The following KISS1R variants were observed in gnomAD, a reference collection of about 807,000 sequenced individuals.
KISS1R encodes kiSS-1 receptor.
In KISS1R, 19 loss-of-function variants were observed where a neutral mutation model predicts 22.0. The ratio of observed to expected loss-of-function variants is 0.86; its 90% CI spans 0.60 to 1.26. The LOEUF (loss-of-function observed/expected upper bound fraction) is 1.26. Ranked by LOEUF, KISS1R falls within the 50% of genes most tolerant of loss-of-function variation. KISS1R has a pLI of 0.00. For missense variants in KISS1R, 653 were observed against 581.9 expected, an observed-to-expected ratio of 1.12 and a Z score of -1.26; for synonymous variants, 302 against 283.9, an observed-to-expected ratio of 1.06 and a Z score of -0.64.
chr19:919,770 G>T (rs1012673801), intron 3 of KISS1R, 104 bp from the exon 4 acceptor site: 1 of 1,489,348 alleles, frequency 6.7e-7, no homozygotes, highest in Admixed American at 2.0e-5. Context: ...CTGCAGACGG[G>T]GCGCCCGGGC....
In KISS1R at chr19:917,358, C is replaced by G; in HGVS notation, c.-145C>G. ...AGAGGAGCCGCCGAGCCCAGCACAG[C>G]TGCCCTCTGGACCCTGCGGACCCCA... On this transcript the variant is annotated 5_prime_UTR_variant, in exon 1 of 5. Coordinates refer to ENST00000234371, the MANE Select transcript of KISS1R (RefSeq NM_032551.5). 1.0e-6 allele frequency: 1 copy of G among 957,914 alleles called. No individual in the cohort carries two copies. The highest frequency in any genetic ancestry group is 1.7e-5 in the African/African-American group (1 of 57,700). The allele number at this position is 957,914 out of a possible 1,614,324, so 59.3% of individuals were successfully genotyped here.
chr19:920,309 G>A lies in KISS1R; in HGVS notation c.758G>A (p.Arg253His), dbSNP rs368520210. 2 of 1,570,732 alleles carry A rather than the reference G, an allele frequency of 1.3e-6. No homozygotes were observed. Among genetic ancestry groups the A allele is most frequent in the African/African-American group, 1.4e-5 (1 of 73,644 alleles). ...SALQGQVLAE[R>H]AGAVRAKVSR... Reference sequence around the variant, plus strand: ...CCCCAGGGGCAGGTGCTGGCAGAGCGCGCAGGCGCCGTGCGGGCCAAGGTC... The same window carrying A: ...CCCCAGGGGCAGGTGCTGGCAGAGCACGCAGGCGCCGTGCGGGCCAAGGTC... Residue 253 changes from arginine (R) to histidine (H), a missense_variant, in exon 5 of 5, where the codon CGC becomes CAC. Transcript: ENST00000234371.
At chr19:919,679 G>A in intron 3 of KISS1R, 54 bp downstream of exon 3, 3 of 1,537,558 alleles carry the variant, frequency 2.0e-6, no homozygotes, top group Non-Finnish European at 2.6e-6. Flanking sequence ...CTAGTGCCCT[G>A]GGCGCCCGGA....
Position 919,995 on chromosome 19 carries a change from G to A in KISS1R, c.627G>A (p.Leu209=). The A allele has an allele frequency of 6.4e-7, 1 of 1,558,052 alleles. No individual in the cohort carries two copies. Among genetic ancestry groups the A allele is most frequent in the Non-Finnish European group, 8.7e-7 (1 of 1,154,076 alleles). ...ALERAFALYN[L]LALYLLPLLA... ...AGCGCGCCTTCGCACTGTACAACCT[G>A]CTGGCGCTGTACCTGCTGCCGCTGC... The change falls in exon 4 of 5, where the codon CTG becomes CTA. Residue 209 remains leucine (L), a synonymous_variant. Transcript: ENST00000234371.
At chr19:919,035 G>A (rs1168172692) in intron 2 of KISS1R, among the ~76,000 whole-genome samples, 3 of 150,590 alleles carry the variant, frequency 2.0e-5, no homozygotes, top group Non-Finnish European at 4.4e-5. Flanking sequence ...AGGGAGGACG[G>A]ACCTTGGGCG....
In KISS1R at chr19:920,074, G is replaced by A. The variant is rs576165678; in HGVS notation, c.706G>A (p.Val236Met). Reference sequence around the variant, plus strand: ...GCTGCGCCACCTGGGCCGGGTCGCCGTGCGCCCCGCGCCCGCCGATAGCGC... The same window carrying A: ...GCTGCGCCACCTGGGCCGGGTCGCCATGCGCCCCGCGCCCGCCGATAGCGC... Reference protein sequence around the residue: ...AMLRHLGRVAVRPAPADSALQ... With the variant: ...AMLRHLGRVAMRPAPADSALQ... The change falls in exon 4 of 5, where the codon GTG becomes ATG. Residue 236 changes from valine (V) to methionine (M), a missense_variant. Physicochemically the swap from Val to Met is conservative, Grantham distance 21 (BLOSUM62 1). Coordinates refer to ENST00000234371, the MANE Select transcript of KISS1R (RefSeq NM_032551.5). The A allele has an allele frequency of 2.6e-6, 4 of 1,516,218 alleles. No homozygotes were observed. In the East Asian group the frequency reaches 7.6e-5, roughly 29 times the overall value. 93.9% of individuals were successfully genotyped at this position (1,516,218 alleles called of 1,614,324 possible).
rs1301565926 is a variant in KISS1R at position 920,092 on chromosome 19, G to C, written c.724G>C (p.Asp242His). 2 of 1,513,720 alleles carry C rather than the reference G, an allele frequency of 1.3e-6. No homozygotes were observed. The highest frequency in any genetic ancestry group is 1.8e-6 in the Non-Finnish European group (2 of 1,137,878). The allele number at this position is 1,513,720 out of a possible 1,614,324, so 93.8% of individuals were successfully genotyped here. The part of the protein sequence containing the change: ...GRVAVRPAPA[D>H]SALQGQVLAE... ...GGTCGCCGTGCGCCCCGCGCCCGCC[G>C]ATAGCGCCCTGCAGGTGCGCGGCGT... is the stretch of plus-strand genomic sequence containing the variant. Residue 242 changes from aspartate to histidine, a missense_variant, in exon 4 of 5, where the codon GAT becomes CAT. By Grantham distance (81) the Asp-to-His change is moderately conservative (BLOSUM62 -1). Coordinates refer to ENST00000234371, the MANE Select transcript of KISS1R (RefSeq NM_032551.5).
Position 920,988 on chromosome 19 carries a change from G to A in KISS1R, c.*240G>A. The A allele has an allele frequency of 3.0e-6, 1 of 338,774 alleles. No homozygotes were observed. Among genetic ancestry groups the A allele is most frequent in the Non-Finnish European group, 5.2e-6 (1 of 193,372 alleles). The allele number at this position is 338,774 out of a possible 1,614,324, so 21.0% of individuals were successfully genotyped here. On this transcript the variant is annotated 3_prime_UTR_variant, in exon 5 of 5. Coordinates refer to ENST00000234371, the MANE Select transcript of KISS1R (RefSeq NM_032551.5). ...AGGACTTTCTGGATCATTCCAGAAA[G>A]TGTCAGACGTTTTCTCATTGTCTTG... is the stretch of plus-strand genomic sequence containing the variant.
rs1398241410 is a variant in KISS1R, at chr19:919,924, G to C, written c.556G>C (p.Gly186Arg). Reference protein sequence around the residue: ...PVLALHRLSPGPRAYCSEAFP... With the variant: ...PVLALHRLSPRPRAYCSEAFP... Reference sequence around the variant, plus strand: ...GCTCGCCCTGCACCGCCTGTCACCCGGGCCGCGCGCCTACTGCAGTGAGGC... The same window carrying C: ...GCTCGCCCTGCACCGCCTGTCACCCCGGCCGCGCGCCTACTGCAGTGAGGC... Residue 186 changes from glycine to arginine, a missense_variant, in exon 4 of 5, where the codon GGG becomes CGG. Physicochemically the swap from Gly to Arg is moderately radical, Grantham distance 125. Transcript: ENST00000234371. 5.8e-6 allele frequency: 9 copies of C among 1,558,506 alleles called. No individual in the cohort carries two copies. The highest frequency in any genetic ancestry group is 6.9e-6 in the Non-Finnish European group (8 of 1,155,882).
chr19:917,511 C>A lies in KISS1R; in HGVS notation c.9C>A (p.Thr3=). The change falls in exon 1 of 5, where the codon ACC becomes ACA. Residue 3 remains threonine (T), a synonymous_variant. Transcript: ENST00000234371. The part of the protein sequence containing the change: MH[T]VATSGPNASW... ...AGGAGGTGCGCGCGGCCATGCACACCGTGGCTACGTCCGGACCCAACGCGT... is the reference window on the plus strand; with the variant it reads ...AGGAGGTGCGCGCGGCCATGCACACAGTGGCTACGTCCGGACCCAACGCGT... The A allele has an allele frequency of 6.7e-7, 1 of 1,489,730 alleles. No homozygotes were observed. Among genetic ancestry groups the A allele is most frequent in the Non-Finnish European group, 8.9e-7 (1 of 1,125,536 alleles). The allele number at this position is 1,489,730 out of a possible 1,614,324, so 92.3% of individuals were successfully genotyped here.
intron 2 of KISS1R, 28 bp downstream of exon 2, chr19:918,696 G>A (rs1335029454): frequency 1.3e-6 from 2 of 1,545,954 alleles, no homozygotes; most frequent in Non-Finnish European, 1.7e-6. Flanking sequence ...AGGGGAGAGG[G>A]CGCACTTGGG....
At position 920,520 on chromosome 19, in the gene KISS1R, C is replaced by T. The variant is rs775830195; in HGVS notation, c.969C>T (p.Tyr323=). The part of the protein sequence containing the change: ...YSNSALNPLL[Y]AFLGSHFRQA... ...ACTCCGCGCTGAACCCGCTGCTCTA[C>T]GCCTTCCTGGGCTCGCACTTCCGAC... The change falls in exon 5 of 5, where the codon TAC becomes TAT. Residue 323 remains tyrosine (Y), a synonymous_variant. Coordinates refer to ENST00000234371, the MANE Select transcript of KISS1R (RefSeq NM_032551.5). 9 of 1,603,760 alleles carry T rather than the reference C, an allele frequency of 5.6e-6. No homozygotes were observed. Among genetic ancestry groups the T allele is most frequent in the Non-Finnish European group, 7.6e-6 (9 of 1,176,842 alleles).
At chr19:918,818 G>A in intron 2 of KISS1R, 150 bp downstream of exon 2, 2 of 732,054 alleles carry the variant, frequency 2.7e-6, no homozygotes, top group South Asian at 1.7e-5. Flanking sequence ...CGGGGAGGGG[G>A]GGTGCGCTGC....
intron 4 of KISS1R, 48 bp downstream of exon 4, chr19:920,154 C>T (rs890050974): frequency 1.4e-6 from 2 of 1,473,416 alleles, no homozygotes; most frequent in Non-Finnish European, 1.8e-6. Flanking sequence ...GGCGGGGAGG[C>T]ACCGTGGTGG....
Position 920,565 on chromosome 19 carries a change from C to T in KISS1R, c.1014C>T (p.Cys338=), listed in dbSNP as rs1473009676. 1.9e-6 allele frequency: 3 copies of T among 1,545,368 alleles called. No individual in the cohort carries two copies. Among genetic ancestry groups the T allele is most frequent in the African/African-American group, 1.4e-5 (1 of 70,218 alleles). Residue 338 remains cysteine, a synonymous_variant, in exon 5 of 5, where the codon TGC becomes TGT. Coordinates refer to ENST00000234371, the MANE Select transcript of KISS1R (RefSeq NM_032551.5). The stretch of plus-strand genomic sequence containing the variant: ...TCCGACAGGCCTTCCGCCGCGTCTG[C>T]CCCTGCGCGCCGCGCCGCCCCCGCC... ...SHFRQAFRRV[C]PCAPRRPRRP... is the part of the protein sequence containing the mutation.
At position 917,723 on chromosome 19, in the gene KISS1R, G is replaced by C; in HGVS notation, c.221G>C (p.Arg74Pro). 1.9e-6 allele frequency: 3 copies of C among 1,607,118 alleles called. No individual in the cohort carries two copies. The highest frequency in any genetic ancestry group is 2.5e-6 in the Non-Finnish European group (3 of 1,177,192). Residue 74 changes from arginine to proline, a missense_variant, in exon 1 of 5, where the codon CGG (arginine) becomes CCG (proline). By Grantham distance (103) the Arg-to-Pro change is moderately radical. Transcript: ENST00000234371. Reference protein sequence around the residue: ...IYVICRHKPMRTVTNFYIANL... With the variant: ...IYVICRHKPMPTVTNFYIANL... ...GTCATCTGCCGCCACAAGCCGATGC[G>C]GACCGTGACCAACTTCTACATCGGT...
rs544228483 is a variant in KISS1R, at chr19:917,870, C to T, written c.244+124C>T. 33 of 1,170,520 alleles carry T rather than the reference C, an allele frequency of 2.8e-5. No individual in the cohort carries two copies. In the African/African-American group the frequency reaches 5.0e-4, roughly 18 times the overall value. The allele number at this position is 1,170,520 out of a possible 1,614,324, so 72.5% of individuals were successfully genotyped here. A position where few individuals can be genotyped will look rare whatever the true frequency, so the allele number is the denominator to read the frequency against. ...ACCCGGCTCTGTCCCCTGCAGGGGT[C>T]CCCCCCAACCTCGAATCTTTTCCCT... On this transcript the variant is annotated intron_variant, in intron 1 of 4. Transcript: ENST00000234371.
rs2037064215 is a variant in KISS1R, at chr19:917,404, C to T, written c.-99C>T. On this transcript the variant is annotated 5_prime_UTR_variant, in exon 1 of 5. Coordinates refer to ENST00000234371, the MANE Select transcript of KISS1R (RefSeq NM_032551.5). ...CCCCAGCCGAGCCCCTTCCTGAGTT[C>T]CACAGGCGCAGCCCCCGGGCGGTCG... 1 of 1,326,356 alleles carries T rather than the reference C, an allele frequency of 7.5e-7. No homozygotes were observed. The highest frequency in any genetic ancestry group is 1.6e-5 in the African/African-American group (1 of 64,334). 82.2% of individuals were successfully genotyped at this position (1,326,356 alleles called of 1,614,324 possible).
At position 917,340 on chromosome 19, in the gene KISS1R, C is replaced by A. The variant is rs1287412510; in HGVS notation, c.-163C>A. ...GGCCGCAGCGGCGCCGGCAGAGGAG[C>A]CGCCGAGCCCAGCACAGCTGCCCTC... On this transcript the variant is annotated 5_prime_UTR_variant, in exon 1 of 5. Transcript: ENST00000234371. 2.5e-6 allele frequency: 2 copies of A among 799,308 alleles called. No individual in the cohort carries two copies. Among genetic ancestry groups the A allele is most frequent in the Non-Finnish European group, 3.5e-6 (2 of 572,782 alleles). The allele number at this position is 799,308 out of a possible 1,614,324, so 49.5% of individuals were successfully genotyped here. A position where few individuals can be genotyped will look rare whatever the true frequency, so the allele number is the denominator to read the frequency against.
Sources: gnomAD v4.1 joint callset for allele counts (sites outside exome capture counted in the v4.1 genomes callset) on GRCh38, gnomAD v4.1.1 for gene constraint, MANE v1.5 for transcripts, NCBI Gene and HGNC (gene_info 2026-07-23, HGNC 2026-07-21) for gene names.